SHISA6: variants seen among roughly 807,000 people sequenced by gnomAD.
The protein encoded by SHISA6 is protein shisa-6.
SHISA6 carries 22 observed loss-of-function variants against 47.9 expected under a neutral mutation model. The ratio of observed to expected loss-of-function variants is 0.46; its 90% CI spans 0.33 to 0.66. The LOEUF is 0.66. SHISA6 is among the 30% of genes least tolerant of loss of function. The probability of loss-of-function intolerance (pLI) is 0.02; values close to 1 mark genes in which losing one functional copy is unlikely to be tolerated. For synonymous variants in SHISA6, 388 were observed against 337.8 expected (o/e 1.15, Z -1.63); for missense variants, 680 against 764.6 (o/e 0.89, Z 1.30).
At chr17:11,323,091 G>A (rs1253293189) in intron 2 of SHISA6, among the ~76,000 whole-genome samples, 1 of 152,170 alleles carries the variant, frequency 6.6e-6, no homozygotes, top group Non-Finnish European at 1.5e-5. Context: ...TGTTTCACAA[G>A]TCCTTCAGCA....
At chr17:11,482,501 C>T (rs553353516) in intron 3 of SHISA6, among the ~76,000 whole-genome samples, 1 of 152,300 alleles carries the variant, frequency 6.6e-6, no homozygotes, top group East Asian at 1.9e-4. Flanking sequence ...ATGTATCCTG[C>T]GGCTTTTCTG....
At chr17:11,400,735 C>T (rs1177878866) in intron 3 of SHISA6, among the ~76,000 whole-genome samples, 1 of 152,180 alleles carries the variant, frequency 6.6e-6, no homozygotes, top group African/African-American at 2.4e-5. Flanking sequence ...CCTTCAGAGT[C>T]ATTCTGATTG....
At chr17:11,395,274 T>C (rs946816070) in intron 3 of SHISA6, among the ~76,000 whole-genome samples, 9 of 151,996 alleles carry the variant, frequency 5.9e-5, no homozygotes, top group Non-Finnish European at 1.3e-4. Flanking sequence ...AAAAATGTTT[T>C]TCCTGGTCTG....
intron 3 of SHISA6, among the ~76,000 whole-genome samples, chr17:11,396,215 T>C (rs892682286): frequency 6.6e-6 from 1 of 152,244 alleles, no homozygotes; most frequent in Non-Finnish European, 1.5e-5. Context: ...TGACCTAATC[T>C]TGCAGTCTTG....
intron 3 of SHISA6, among the ~76,000 whole-genome samples, chr17:11,525,360 C>T (rs975589932): frequency 6.6e-6 from 1 of 152,122 alleles, no homozygotes; most frequent in Non-Finnish European, 1.5e-5. Flanking sequence ...TGAGGCCAGG[C>T]TTGGTGGCTC....
rs978007883 is a variant in SHISA6, at chr17:11,257,611, T to C, written c.639-5755T>C. ...AGGAAGCCGAGGCTGCAGCGAGCCG[T>C]GATCTCACCACTGCACTGCAGCCTG... On this transcript the variant is annotated intron_variant, in intron 1 of 5. Transcript: ENST00000441885. Among the ~76,000 whole-genome samples, 4 of 150,008 alleles carry C rather than the reference T, an allele frequency of 2.7e-5. No individual in the cohort carries two copies. In the Admixed American group the frequency reaches 2.7e-4, roughly 10 times the overall value.
At chr17:11,511,422 T>C (rs2071540675) in intron 3 of SHISA6, among the ~76,000 whole-genome samples, 1 of 152,036 alleles carries the variant, frequency 6.6e-6, no homozygotes, top group Non-Finnish European at 1.5e-5. Context: ...CTGCACATTC[T>C]CCACATGTAT....
At chr17:11,515,313 A>AGG (rs2071575180) in intron 3 of SHISA6, among the ~76,000 whole-genome samples, 101 of 130,888 alleles carry the variant, frequency 7.7e-4, no homozygotes, top group African/African-American at 3.0e-3. Flanking sequence ...GAAGAAAGAA[A>AGG]AAGGAAGGAA....
chr17:11,326,874 ATTATC>A (rs1165880050), intron 2 of SHISA6, among the ~76,000 whole-genome samples: 6 of 152,326 alleles, frequency 3.9e-5, no homozygotes, highest in African/African-American at 1.4e-4. Flanking sequence ...ATCAGCCTGC[ATTATC>A]TTACCACATC....
intron 2 of SHISA6, among the ~76,000 whole-genome samples, chr17:11,326,203 G>A (rs959181394): frequency 6.6e-6 from 1 of 151,680 alleles, no homozygotes; most frequent in Non-Finnish European, 1.5e-5. Context: ...CCCAGGAGGT[G>A]GAGCTTGCAG....
rs374408189 is a variant in SHISA6, at chr17:11,260,105, A to G, written c.639-3261A>G. On this transcript the variant is annotated intron_variant, in intron 1 of 5. Coordinates refer to ENST00000441885, the MANE Select transcript of SHISA6 (RefSeq NM_207386.4). ...GCTATTAAGGTGATTAATACACAAT[A>G]CCAAGTACTGAAGAAAGCTTAAGTT... Among the ~76,000 whole-genome samples, 14 of 152,318 alleles carry G rather than the reference A, an allele frequency of 9.2e-5. No individual in the cohort carries two copies. In the South Asian group the frequency reaches 2.1e-3, roughly 23 times the overall value.
At position 11,555,745 on chromosome 17, in the gene SHISA6, C is replaced by A; in HGVS notation, c.958C>A (p.Pro320Thr). The part of the protein sequence containing the change: ...SVTQIPPHEK[P>T]RMNNILTSAT... ...ACCCCTCCCTTTTCTTGCAGAGAAG[C>A]CACGGATGAACAACATCCTGACATC... The change falls in exon 5 of 6, where the codon CCA (proline) becomes ACA (threonine). Residue 320 changes from proline (P) to threonine (T), a missense_variant. Around this residue, in one of 2 missense-constraint regions of SHISA6, gnomAD observed 559 missense variants for 674.1 expected, o/e 0.83. Coordinates refer to ENST00000441885, the MANE Select transcript of SHISA6 (RefSeq NM_207386.4). 6.5e-7 allele frequency: 1 copy of A among 1,540,924 alleles called. No individual in the cohort carries two copies. Among genetic ancestry groups the A allele is most frequent in the Non-Finnish European group, 8.8e-7 (1 of 1,142,774 alleles).
At chr17:11,332,851 C>G (rs1911173850) in intron 2 of SHISA6, among the ~76,000 whole-genome samples, 1 of 152,100 alleles carries the variant, frequency 6.6e-6, no homozygotes, top group African/African-American at 2.4e-5. Context: ...TGATATTCCA[C>G]TGGAAGCCTG....
chr17:11,308,507 C>T (rs1028389530), intron 2 of SHISA6, among the ~76,000 whole-genome samples: 6 of 152,198 alleles, frequency 3.9e-5, no homozygotes, highest in African/African-American at 1.4e-4. Flanking sequence ...GCCACAGTAT[C>T]TCAGACTTCC....
At chr17:11,279,572 T>C (rs1909049883) in intron 2 of SHISA6, among the ~76,000 whole-genome samples, 1 of 152,134 alleles carries the variant, frequency 6.6e-6, no homozygotes. Context: ...GGGAATCCTG[T>C]AAGGTCAGTA....
chr17:11,372,239 G>C (rs1189555811), intron 2 of SHISA6, among the ~76,000 whole-genome samples: 1 of 152,098 alleles, frequency 6.6e-6, no homozygotes, highest in Non-Finnish European at 1.5e-5. Context: ...GCACTGTCTA[G>C]CCTGGTTGAG....
chr17:11,492,963 G>A (rs1294063540), intron 3 of SHISA6, among the ~76,000 whole-genome samples: 2 of 152,178 alleles, frequency 1.3e-5, no homozygotes, highest in Non-Finnish European at 2.9e-5. Context: ...GAATCTCAGC[G>A]TCAGTAGCAA....
chr17:11,303,123 C>CTG (rs1195351930), intron 2 of SHISA6, among the ~76,000 whole-genome samples: 1 of 151,926 alleles, frequency 6.6e-6, no homozygotes, highest in Non-Finnish European at 1.5e-5. Flanking sequence ...TTGTGATTAC[C>CTG]TGTGTGTGTG....
chr17:11,494,901 C>T (rs1030899441), intron 3 of SHISA6, among the ~76,000 whole-genome samples: 7 of 152,190 alleles, frequency 4.6e-5, no homozygotes, highest in East Asian at 1.9e-4. Flanking sequence ...TGTCTGGAGT[C>T]GGGAGCCAGC....
Sources: gnomAD v4.1 joint callset for allele counts (sites outside exome capture counted in the v4.1 genomes callset) on GRCh38, gnomAD v4.1.1 for gene constraint, gnomAD v4.1.1 regional missense constraint, MANE v1.5 for transcripts, NCBI Gene and HGNC (gene_info 2026-07-23, HGNC 2026-07-21) for gene names.